RAB33A: variants seen among roughly 807,000 people sequenced by gnomAD.
The protein encoded by RAB33A is RAB33A, member RAS oncogene family, also known as ras-related protein Rab-33A.
A neutral mutation model predicts 12.0 loss-of-function variants in RAB33A; 6 were observed. The ratio of observed to expected loss-of-function variants is 0.50; its 90% CI spans 0.27 to 0.99. RAB33A has a LOEUF of 0.99. Among genes scored for constraint, RAB33A ranks in the 50% least tolerant of loss-of-function variants. RAB33A has a pLI of 0.11. For missense variants in RAB33A, 109 were observed against 192.0 expected (o/e 0.57, Z 2.55); for synonymous variants, 70 against 82.4 (o/e 0.85, Z 0.81).
chrX:130,133,272 G>A, the RAB33A span: 68 of 1,203,798 alleles, frequency 5.6e-5, no homozygotes, highest in Non-Finnish European at 7.6e-5. Flanking sequence ...TAGAGATACT[G>A]AGTTGTAATC....
chrX:130,161,346 A>G, the RAB33A span, among the ~76,000 whole-genome samples: 1 of 109,159 alleles, frequency 9.2e-6, no homozygotes, highest in Non-Finnish European at 1.9e-5. Context: ...CCCCGTCTCC[A>G]CTAAAAATAC....
At chrX:130,148,609 G>A in the RAB33A span, among the ~76,000 whole-genome samples, 2 of 110,079 alleles carry the variant, frequency 1.8e-5, no homozygotes, top group African/African-American at 6.6e-5. Context: ...CGAAGCAGGC[G>A]GATCACCTGA....
the RAB33A span, chrX:130,165,505 G>A: frequency 9.3e-7 from 1 of 1,075,201 alleles, no homozygotes. Flanking sequence ...GGAGCCTAAG[G>A]CGCCAGGCCC....
intron 1 of RAB33A, among the ~76,000 whole-genome samples, chrX:130,181,899 A>T (rs2031730034): frequency 9.1e-6 from 1 of 110,037 alleles, no homozygotes. Flanking sequence ...GTGAGCTGAG[A>T]TCACACCACT....
the RAB33A span, among the ~76,000 whole-genome samples, chrX:130,128,201 T>C: frequency 9.0e-6 from 1 of 111,731 alleles, no homozygotes; most frequent in Non-Finnish European, 1.9e-5. Context: ...TCCAGACTGG[T>C]AATAATTTTC....
the RAB33A span, chrX:130,139,729 G>T: frequency 9.2e-7 from 1 of 1,088,750 alleles, no homozygotes; most frequent in South Asian, 1.8e-5. Flanking sequence ...GTGGGCACTT[G>T]GGGACTGCAA....
At chrX:130,121,145 G>A in the RAB33A span, among the ~76,000 whole-genome samples, 2 of 112,470 alleles carry the variant, frequency 1.8e-5, no homozygotes, top group Admixed American at 1.9e-4. Flanking sequence ...AAGCAGTGAA[G>A]TCACACTGGG....
chrX:130,123,155 GA>G, the RAB33A span, among the ~76,000 whole-genome samples: 1 of 111,677 alleles, frequency 9.0e-6, no homozygotes, highest in Non-Finnish European at 1.9e-5. Flanking sequence ...TGCAAACACT[GA>G]AAGACTGTTG....
At chrX:130,124,307 C>G in the RAB33A span, among the ~76,000 whole-genome samples, 1 of 111,794 alleles carries the variant, frequency 8.9e-6, no homozygotes, top group African/African-American at 3.3e-5. Context: ...ACATTAGTTG[C>G]TCAGAAAATG....
the RAB33A span, among the ~76,000 whole-genome samples, chrX:130,125,207 G>A: frequency 4.5e-5 from 5 of 111,577 alleles, no homozygotes; most frequent in South Asian, 3.7e-4. Context: ...TTCCAGAGAC[G>A]CCAGAGGCTG....
At chrX:130,135,082 CTTT>C in the RAB33A span, among the ~76,000 whole-genome samples, 11 of 100,668 alleles carry the variant, frequency 1.1e-4, no homozygotes, top group Admixed American at 1.1e-3. Context: ...CCACATATTA[CTTT>C]TTTTTTTTTT....
chrX:130,154,341 C>T, the RAB33A span, among the ~76,000 whole-genome samples: 363 of 112,034 alleles, frequency 3.2e-3, 2 homozygotes, highest in Non-Finnish European at 3.6e-3. Context: ...TACAGCAACA[C>T]GGACCAGGAA....
the RAB33A span, among the ~76,000 whole-genome samples, chrX:130,161,532 A>C: frequency 2.0e-5 from 2 of 102,016 alleles, no homozygotes; most frequent in South Asian, 4.5e-4. Flanking sequence ...AAAAAAAAAA[A>C]CACAGGACAA....
At chrX:130,123,118 A>G in the RAB33A span, among the ~76,000 whole-genome samples, 1 of 111,401 alleles carries the variant, frequency 9.0e-6, no homozygotes, top group Admixed American at 9.6e-5. Flanking sequence ...ACAGCAACTG[A>G]GAGATGGAGA....
the RAB33A span, chrX:130,149,573 G>C: frequency 4.3e-6 from 5 of 1,164,703 alleles, no homozygotes. Flanking sequence ...GTAGGCCTGC[G>C]GATCCAAACA....
chrX:130,175,259 C>T (rs2031652858), intron 1 of RAB33A, among the ~76,000 whole-genome samples: 1 of 110,830 alleles, frequency 9.0e-6, no homozygotes, highest in Admixed American at 9.7e-5. Flanking sequence ...TACAGGGCCA[C>T]GATTTCAACC....
chrX:130,135,153 ACTCACTGCAGC>A, the RAB33A span, among the ~76,000 whole-genome samples: 1 of 104,733 alleles, frequency 9.5e-6, no homozygotes, highest in Non-Finnish European at 2.0e-5. Context: ...CATGATCTCC[ACTCACTGCAGC>A]CTCTGCCTCC....
intron 1 of RAB33A, among the ~76,000 whole-genome samples, chrX:130,174,356 G>A (rs947039563): frequency 1.8e-5 from 2 of 112,048 alleles, no homozygotes; most frequent in African/African-American, 6.5e-5. Flanking sequence ...GATTCCAAAG[G>A]AGCTCAGAGT....
chrX:130,114,697 C>T, the RAB33A span, among the ~76,000 whole-genome samples: 1 of 112,225 alleles, frequency 8.9e-6, no homozygotes, highest in East Asian at 2.8e-4. Flanking sequence ...CTGCAAGGAG[C>T]GGGAGGGGCC....
Sources: gnomAD v4.1 joint callset for allele counts (sites outside exome capture counted in the v4.1 genomes callset) on GRCh38, gnomAD v4.1.1 for gene constraint, MANE v1.5 for transcripts, NCBI Gene and HGNC (gene_info 2026-07-23, HGNC 2026-07-21) for gene names.